The following CDC42BPA variants were observed in gnomAD, a reference collection of about 807,000 sequenced individuals.
The protein encoded by CDC42BPA is serine/threonine-protein kinase MRCK alpha.
Under a neutral mutation model 223.5 loss-of-function variants are expected in CDC42BPA, and 80 were observed. That is an observed-to-expected ratio of 0.36 (90% confidence interval 0.30 to 0.43). The LOEUF is 0.43. Ranked by LOEUF, CDC42BPA falls within the 20% of genes least tolerant of loss-of-function variation. CDC42BPA has a pLI of 1.00. For missense variants in CDC42BPA, 1,743 were observed against 2,099.9 expected, an observed-to-expected ratio of 0.83 and a Z score of 3.32; for synonymous variants, 694 against 718.6, an observed-to-expected ratio of 0.97 and a Z score of 0.55.
At chr1:227,084,427 C>T (rs1681377083) in intron 16 of CDC42BPA, among the ~76,000 whole-genome samples, 1 of 151,114 alleles carries the variant, frequency 6.6e-6, no homozygotes, top group Non-Finnish European at 1.5e-5. Flanking sequence ...ACTTGGGAGG[C>T]TGAGGCAGGA....
At chr1:227,120,721 T>C (rs1294800789) in intron 11 of CDC42BPA, among the ~76,000 whole-genome samples, 3 of 152,172 alleles carry the variant, frequency 2.0e-5, no homozygotes, top group African/African-American at 7.2e-5. Context: ...AGAATTGAAG[T>C]CAGTGATACA....
Position 227,170,279 on chromosome 1 carries a change from T to G in CDC42BPA, c.600-9643A>C, listed in dbSNP as rs868533019. On this transcript the variant is annotated intron_variant, in intron 5 of 36. Coordinates refer to ENST00000366766, the MANE Select transcript of CDC42BPA (RefSeq NM_001394014.1). ...CCACATGGGAAGAACAAAAACCCCATGCCCACAGCTCTGGCTGAACTCCCA... is the reference window on the plus strand; with the variant it reads ...CCACATGGGAAGAACAAAAACCCCAGGCCCACAGCTCTGGCTGAACTCCCA... Among the ~76,000 whole-genome samples, 15 of 152,216 alleles carry G rather than the reference T, an allele frequency of 9.9e-5. 1 individual carries two copies. In the Middle Eastern group the frequency reaches 0.01, roughly 104 times the overall value.
At chr1:227,243,398 T>TTAAGA (rs59580867) in intron 2 of CDC42BPA, among the ~76,000 whole-genome samples, 46,470 of 151,688 alleles carry the variant, frequency 0.31, 7,211 homozygotes, top group East Asian at 0.37. Context: ...GGGGCCCAAC[T>TTAAGA]TAAAAGTTTC....
chr1:227,011,941 C>T (rs1168075557), intron 34 of CDC42BPA, among the ~76,000 whole-genome samples: 1 of 152,050 alleles, frequency 6.6e-6, no homozygotes, highest in African/African-American at 2.4e-5. Flanking sequence ...CTAACTGAAT[C>T]CAGCATGGAA....
At chr1:227,220,127 G>GC (rs1402912218) in intron 2 of CDC42BPA, among the ~76,000 whole-genome samples, 1 of 151,850 alleles carries the variant, frequency 6.6e-6, no homozygotes, top group Non-Finnish European at 1.5e-5. Context: ...CAACTCCCCA[G>GC]CCCTGTACCC....
chr1:227,118,576 C>T (rs1688130173), intron 12 of CDC42BPA, among the ~76,000 whole-genome samples: 1 of 151,726 alleles, frequency 6.6e-6, no homozygotes, highest in South Asian at 2.1e-4. Flanking sequence ...TTGGTGACCA[C>T]CTGTCACTAT....
At chr1:227,066,703 G>C (rs1025018868) in intron 21 of CDC42BPA, among the ~76,000 whole-genome samples, 1 of 152,052 alleles carries the variant, frequency 6.6e-6, no homozygotes, top group Admixed American at 6.5e-5. Context: ...TGAACTGATG[G>C]ATGAGAAAAG....
intron 1 of CDC42BPA, among the ~76,000 whole-genome samples, chr1:227,273,425 G>A (rs1342436844): frequency 2.0e-5 from 3 of 151,758 alleles, no homozygotes; most frequent in African/African-American, 7.3e-5. Flanking sequence ...AAATTAGCCG[G>A]GCGTGGTGGC....
In CDC42BPA at chr1:227,318,435, G is replaced by A. The variant is rs1322504139; in HGVS notation, c.-1253C>T. Reference sequence around the variant, plus strand: ...GCGCTCGCGCCCTGGGCTCAGCGAGGCTCCTCCAGTCCCGCCGCACAGAGG... The same window carrying A: ...GCGCTCGCGCCCTGGGCTCAGCGAGACTCCTCCAGTCCCGCCGCACAGAGG... On this transcript the variant is annotated 5_prime_UTR_variant, in exon 1 of 37. Coordinates refer to ENST00000366766, the MANE Select transcript of CDC42BPA (RefSeq NM_001394014.1). 6.6e-6 allele frequency: 1 copy of A among 152,200 alleles called. No homozygotes were observed. Among genetic ancestry groups the A allele is most frequent in the Admixed American group, 6.5e-5 (1 of 15,268 alleles). 9.4% of individuals were successfully genotyped at this position (152,200 alleles called of 1,614,324 possible).
In CDC42BPA at chr1:227,126,908, C is replaced by T. The variant is rs114769367; in HGVS notation, c.1513+2201G>A. ...TCATTCTTCTTTTAACACAGTGCTGCAAGTTCTTGCAATAAGGCAAGAAAA... is the reference window on the plus strand; with the variant it reads ...TCATTCTTCTTTTAACACAGTGCTGTAAGTTCTTGCAATAAGGCAAGAAAA... On this transcript the variant is annotated intron_variant, in intron 11 of 36. Coordinates refer to ENST00000366766, the MANE Select transcript of CDC42BPA (RefSeq NM_001394014.1). Among the ~76,000 whole-genome samples, 777 of 152,198 alleles carry T rather than the reference C, an allele frequency of 5.1e-3. 4 individuals carry two copies. Among genetic ancestry groups the T allele is most frequent in the African/African-American group, 0.016 (684 of 41,536 alleles).
At chr1:227,208,743 G>A (rs1042023047) in intron 3 of CDC42BPA, among the ~76,000 whole-genome samples, 1 of 152,034 alleles carries the variant, frequency 6.6e-6, no homozygotes, top group African/African-American at 2.4e-5. Flanking sequence ...GTACCATGCT[G>A]TTTTGGTTAC....
chr1:227,114,017 C>CAAAAAAAAAAAAAAAAAA lies in CDC42BPA; in HGVS notation c.1648-1105_1648-1104insTTTTTTTTTTTTTTTTTT, dbSNP rs374913161. The stretch of plus-strand genomic sequence containing the variant: ...TGGGCAATACAGTGAGACTCCAACT[C>CAAAAAAAAAAAAAAAAAA]AAAAAAAAAGAAAAGAAAAGAAGTG... On this transcript the variant is annotated intron_variant, in intron 12 of 36. Transcript: ENST00000366766. Among the ~76,000 whole-genome samples, 129 of 120,058 alleles carry CAAAAAAAAAAAAAAAAAA rather than the reference C, an allele frequency of 1.1e-3. 2 individuals carry two copies. The highest frequency in any genetic ancestry group is 3.9e-3 in the East Asian group (16 of 4,088). 78.8% of individuals were successfully genotyped at this position (120,058 alleles called of 152,430 possible).
intron 1 of CDC42BPA, among the ~76,000 whole-genome samples, chr1:227,284,909 C>G (rs1398029887): frequency 1.3e-5 from 2 of 150,882 alleles, no homozygotes; most frequent in East Asian, 3.9e-4. Flanking sequence ...CTGCAGTTAC[C>G]CAAGGTTGTG....
At chr1:227,050,079 A>G (rs1054220407) in intron 22 of CDC42BPA, among the ~76,000 whole-genome samples, 4 of 152,064 alleles carry the variant, frequency 2.6e-5, no homozygotes, top group Non-Finnish European at 4.4e-5. Flanking sequence ...AATAAGCCAC[A>G]GACTGGGAGA....
chr1:227,164,282 A>G (rs1664624791), intron 5 of CDC42BPA, among the ~76,000 whole-genome samples: 1 of 152,148 alleles, frequency 6.6e-6, no homozygotes, highest in Non-Finnish European at 1.5e-5. Context: ...TCAATGCTGG[A>G]ATTAGCTTAA....
intron 16 of CDC42BPA, among the ~76,000 whole-genome samples, chr1:227,086,106 C>T (rs1558464738): frequency 2.0e-5 from 3 of 152,082 alleles, no homozygotes; most frequent in Non-Finnish European, 1.5e-5. Flanking sequence ...TTGTATTGGA[C>T]TTCTTTCACT....
At chr1:227,066,003 T>C (rs1676965339) in intron 21 of CDC42BPA, among the ~76,000 whole-genome samples, 2 of 152,118 alleles carry the variant, frequency 1.3e-5, no homozygotes, top group African/African-American at 4.8e-5. Context: ...TACTACTCAT[T>C]AGAGCCTTAC....
chr1:227,226,786 T>C (rs1293508275), intron 2 of CDC42BPA, among the ~76,000 whole-genome samples: 1 of 152,094 alleles, frequency 6.6e-6, no homozygotes, highest in African/African-American at 2.4e-5. Context: ...TGACAGACAA[T>C]ATAAGTTGTC....
At chr1:227,148,361 G>C (rs1342314620) in intron 6 of CDC42BPA, among the ~76,000 whole-genome samples, 1 of 152,140 alleles carries the variant, frequency 6.6e-6, no homozygotes, top group East Asian at 1.9e-4. Flanking sequence ...AAGGTACTTT[G>C]AAGTAAAAGA....
Sources: gnomAD v4.1 joint callset for allele counts (sites outside exome capture counted in the v4.1 genomes callset) on GRCh38, gnomAD v4.1.1 for gene constraint, MANE v1.5 for transcripts, NCBI Gene and HGNC (gene_info 2026-07-23, HGNC 2026-07-21) for gene names.